The following CDC42SE2 variants were observed in gnomAD, a reference collection of about 807,000 sequenced individuals.
The protein encoded by CDC42SE2 is CDC42 small effector 2.
A neutral mutation model predicts 11.5 loss-of-function variants in CDC42SE2; 3 were observed. That is an observed-to-expected ratio of 0.26 (90% CI 0.12 to 0.67). The LOEUF (loss-of-function observed/expected upper bound fraction) is 0.67, where lower values mean the gene tolerates loss of function less well. Ranked by LOEUF, CDC42SE2 falls within the 30% of genes least tolerant of loss-of-function variation. The probability of loss-of-function intolerance (pLI) is 0.80; values close to 1 mark genes in which losing one functional copy is unlikely to be tolerated. For missense variants in CDC42SE2, 82 were observed against 106.8 expected, an observed-to-expected ratio of 0.77 and a Z score of 1.02; for synonymous variants, 33 against 34.8, an observed-to-expected ratio of 0.95 and a Z score of 0.18.
chr5:131,276,470 G>C (rs775898297), intron 1 of CDC42SE2, among the ~76,000 whole-genome samples: 1 of 151,716 alleles, frequency 6.6e-6, no homozygotes, highest in South Asian at 2.1e-4. Context: ...AAATCTTTTA[G>C]ATAAGTTGTT....
the CDC42SE2 span, among the ~76,000 whole-genome samples, chr5:131,236,354 A>G: frequency 6.6e-6 from 1 of 152,138 alleles, no homozygotes; most frequent in African/African-American, 2.4e-5. Flanking sequence ...AATTTTTTAC[A>G]TTTAAATCTT....
chr5:131,238,037 A>G, the CDC42SE2 span, among the ~76,000 whole-genome samples: 2 of 151,362 alleles, frequency 1.3e-5, no homozygotes, highest in African/African-American at 4.9e-5. Flanking sequence ...GTGAACCACT[A>G]TCAGACATAT....
rs1757016935 is a variant in CDC42SE2 at position 131,272,624 on chromosome 5, C to A, written c.-455+8458C>A. Among the ~76,000 whole-genome samples, 5 of 152,282 alleles carry A rather than the reference C, an allele frequency of 3.3e-5. No individual in the cohort carries two copies. The South Asian group carries it at 1.0e-3, about 32-fold the overall frequency. ...TCTCCTGCATTCTAATGAGCTGCATCATTTCCCCATTTCTACTGGATTATC... is the reference window on the plus strand; with the variant it reads ...TCTCCTGCATTCTAATGAGCTGCATAATTTCCCCATTTCTACTGGATTATC... On this transcript the variant is annotated intron_variant, in intron 1 of 4. Transcript: ENST00000505065.
rs374071235 is a variant in CDC42SE2, at chr5:131,264,548, C to T, written c.-455+382C>T. ...GAAGTCGGGAGGGTGGTGCGAGGGG[C>T]GGGCGGGGAGGGCCCGGGGTCTCTA... On this transcript the variant is annotated intron_variant, in intron 1 of 4. Transcript: ENST00000505065. 2.3e-3 allele frequency among the ~76,000 whole-genome samples: 252 copies of T among 109,796 alleles called. 1 individual carries two copies. Among genetic ancestry groups the T allele is most frequent in the East Asian group, 0.023 (79 of 3,464 alleles). 72.0% of individuals were successfully genotyped at this position (109,796 alleles called of 152,430 possible). A position where few individuals can be genotyped will look rare whatever the true frequency, so the allele number is the denominator to read the frequency against.
At chr5:131,390,346 ATG>A (rs1292500461) in intron 4 of CDC42SE2, among the ~76,000 whole-genome samples, 4 of 152,290 alleles carry the variant, frequency 2.6e-5, no homozygotes, top group African/African-American at 9.6e-5. Context: ...GTGATTATAT[ATG>A]TGAGATATCT....
rs142218036 is a variant in CDC42SE2 at position 131,285,249 on chromosome 5, C to T, written c.-455+21083C>T. 4.1e-3 allele frequency among the ~76,000 whole-genome samples: 628 copies of T among 152,160 alleles called. 4 individuals carry two copies. Among genetic ancestry groups the T allele is most frequent in the African/African-American group, 0.013 (545 of 41,522 alleles). On this transcript the variant is annotated intron_variant, in intron 1 of 4. Coordinates refer to ENST00000505065, the MANE Select transcript of CDC42SE2 (RefSeq NM_001375635.1). ...GTAGTGAGCTCGGGTTGTGCTCCAGCCTGGGTGACAGAGTGAGACCCTGTT... is the reference window on the plus strand; with the variant it reads ...GTAGTGAGCTCGGGTTGTGCTCCAGTCTGGGTGACAGAGTGAGACCCTGTT...
chr5:131,385,785 A>G, intron 4 of CDC42SE2, 141 bp downstream of exon 4: 1 of 483,912 alleles, frequency 2.1e-6, no homozygotes, highest in Non-Finnish European at 3.7e-6. Flanking sequence ...ATGAGCATAG[A>G]AGAGAGAAGC....
rs1411852884 is a variant in CDC42SE2, at chr5:131,310,630, C to G, written c.-454-5346C>G. On this transcript the variant is annotated intron_variant, in intron 1 of 4. Coordinates refer to ENST00000505065, the MANE Select transcript of CDC42SE2 (RefSeq NM_001375635.1). Reference sequence around the variant, plus strand: ...GACTTGCTTTATGAATCTGGGTGCTCCTGTATTGGGTGCATATATATTTAG... The same window carrying G: ...GACTTGCTTTATGAATCTGGGTGCTGCTGTATTGGGTGCATATATATTTAG... Among the ~76,000 whole-genome samples the G allele has an allele frequency of 5.9e-5, 9 of 151,766 alleles. No individual in the cohort carries two copies. In the East Asian group the frequency reaches 1.5e-3, roughly 26 times the overall value.
intron 4 of CDC42SE2, among the ~76,000 whole-genome samples, chr5:131,385,983 C>T (rs1214388704): frequency 6.6e-6 from 1 of 152,196 alleles, no homozygotes; most frequent in Non-Finnish European, 1.5e-5. Flanking sequence ...ACTTGGATAT[C>T]AGCCTTTTTA....
chr5:131,213,421 A>G, the CDC42SE2 span, among the ~76,000 whole-genome samples: 4 of 152,078 alleles, frequency 2.6e-5, no homozygotes, highest in South Asian at 2.1e-4. Context: ...CCAGATACCA[A>G]TTATTTTTTT....
chr5:131,374,986 A>G (rs1022924904), intron 3 of CDC42SE2, among the ~76,000 whole-genome samples: 3 of 151,998 alleles, frequency 2.0e-5, no homozygotes, highest in Admixed American at 2.0e-4. Flanking sequence ...GATATTAACA[A>G]TATCATTAAT....
chr5:131,315,676 T>C (rs1346291495), intron 1 of CDC42SE2, among the ~76,000 whole-genome samples: 1 of 152,204 alleles, frequency 6.6e-6, no homozygotes, highest in Non-Finnish European at 1.5e-5. Context: ...TAGGCAGTTA[T>C]CCTTTAACCA....
chr5:131,267,805 G>C (rs1242410514), intron 1 of CDC42SE2, among the ~76,000 whole-genome samples: 1 of 152,012 alleles, frequency 6.6e-6, no homozygotes, highest in Non-Finnish European at 1.5e-5. Context: ...GGTTTATTTA[G>C]GTTCCTCATC....
chr5:131,284,279 T>C (rs922758219), intron 1 of CDC42SE2, among the ~76,000 whole-genome samples: 5 of 152,214 alleles, frequency 3.3e-5, no homozygotes, highest in African/African-American at 1.2e-4. Context: ...GCATTAGTTA[T>C]AATTTTAAAA....
chr5:131,387,551 T>C (rs74772184), intron 4 of CDC42SE2, among the ~76,000 whole-genome samples: 7,455 of 152,134 alleles, frequency 0.049, 612 homozygotes, highest in African/African-American at 0.17. Flanking sequence ...AACCCCATCT[T>C]AAAAAAATAA....
chr5:131,280,860 A>C (rs181826102), intron 1 of CDC42SE2, among the ~76,000 whole-genome samples: 1 of 152,252 alleles, frequency 6.6e-6, no homozygotes, highest in East Asian at 1.9e-4. Flanking sequence ...AGATATTGCT[A>C]CCCTTTTTAT....
intron 3 of CDC42SE2, among the ~76,000 whole-genome samples, chr5:131,377,276 A>G (rs927356641): frequency 1.3e-5 from 2 of 150,368 alleles, no homozygotes; most frequent in Non-Finnish European, 3.0e-5. Context: ...TCAAACGATT[A>G]TTGTGTCTCA....
chr5:131,297,588 C>T (rs910854535), intron 1 of CDC42SE2, among the ~76,000 whole-genome samples: 4 of 151,808 alleles, frequency 2.6e-5, no homozygotes, highest in South Asian at 2.1e-4. Context: ...GGCGTGGTGG[C>T]GGGTGCCTGT....
At chr5:131,278,730 T>TCCCCTC (rs1757162561) in intron 1 of CDC42SE2, among the ~76,000 whole-genome samples, 2 of 1,340 alleles carry the variant, frequency 1.5e-3, no homozygotes, top group African/African-American at 3.6e-3. Flanking sequence ...CCCTCCCCCC[T>TCCCCTC]CCCCTCCCCT....
Sources: allele counts gnomAD v4.1 joint callset (sites outside exome capture counted in the v4.1 genomes callset), GRCh38; gene constraint gnomAD v4.1.1; transcripts MANE v1.5; gene names NCBI Gene and HGNC (gene_info 2026-07-23, HGNC 2026-07-21).